Variants in ASIC2 observed in about 807,000 individuals in gnomAD.
ASIC2 encodes acid sensing ion channel subunit 2.
A neutral mutation model predicts 57.3 loss-of-function variants in ASIC2; 25 were observed. The observed-to-expected ratio is 0.44, with a 90% confidence interval of 0.32 to 0.61. The LOEUF (loss-of-function observed/expected upper bound fraction) is 0.61, where lower values mean the gene tolerates loss of function less well. Among genes scored for constraint, ASIC2 ranks in the 20% least tolerant of loss-of-function variants. ASIC2 has a pLI of 0.06. For missense variants in ASIC2, 641 were observed against 738.1 expected, an observed-to-expected ratio of 0.87 and a Z score of 1.52; for synonymous variants, 319 against 307.5, an observed-to-expected ratio of 1.04 and a Z score of -0.39.
Position 33,519,112 on chromosome 17 carries a change from G to A in ASIC2, c.556-407045C>T, listed in dbSNP as rs145479300. On this transcript the variant is annotated intron_variant, in intron 1 of 9. Coordinates refer to the ASIC2 transcript ENST00000359872. ...TGGGATTACAGGCGTGAGCCACCGC[G>A]CCGGGCCGATAACTACTCTTTTTAA... Among the ~76,000 whole-genome samples, 518 of 152,288 alleles carry A rather than the reference G, an allele frequency of 3.4e-3. 3 individuals are homozygous for A. Among genetic ancestry groups the A allele is most frequent in the African/African-American group, 0.012 (502 of 41,556 alleles).
At chr17:33,949,481 T>C (rs1904491388) in intron 1 of ASIC2, among the ~76,000 whole-genome samples, 1 of 152,264 alleles carries the variant, frequency 6.6e-6, no homozygotes, top group South Asian at 2.1e-4. Context: ...AATTTATAAG[T>C]TTTATTTTTA....
At chr17:33,132,807 A>G (rs1165420660) in intron 1 of ASIC2, among the ~76,000 whole-genome samples, 2 of 152,162 alleles carry the variant, frequency 1.3e-5, no homozygotes, top group Non-Finnish European at 2.9e-5. Context: ...CAAAATTTTA[A>G]AAATTGTTAC....
At chr17:33,173,828 T>A (rs1782656235) in intron 1 of ASIC2, among the ~76,000 whole-genome samples, 1 of 152,242 alleles carries the variant, frequency 6.6e-6, no homozygotes, top group Non-Finnish European at 1.5e-5. Context: ...CTACAGGCAC[T>A]GTGCCTAACA....
At chr17:33,249,163 C>A (rs1908796974) in intron 1 of ASIC2, among the ~76,000 whole-genome samples, 1 of 151,962 alleles carries the variant, frequency 6.6e-6, no homozygotes, top group Non-Finnish European at 1.5e-5. Context: ...AGACTGGCCA[C>A]AAGATTTTTC....
chr17:33,536,171 G>A (rs1426988802), intron 1 of ASIC2, among the ~76,000 whole-genome samples: 5 of 146,048 alleles, frequency 3.4e-5, no homozygotes, highest in Non-Finnish European at 6.2e-5. Flanking sequence ...CTTCTGAGCC[G>A]CTTCCAAAAT....
intron 1 of ASIC2, among the ~76,000 whole-genome samples, chr17:33,750,870 T>C (rs2057385209): frequency 6.6e-6 from 1 of 152,112 alleles, no homozygotes; most frequent in African/African-American, 2.4e-5. Flanking sequence ...ATCTTTCTAA[T>C]AAAACACATC....
rs1216556049 is a variant in ASIC2 at position 34,114,867 on chromosome 17, G to C, written c.555+41111C>G. Among the ~76,000 whole-genome samples the C allele has an allele frequency of 2.6e-5, 4 of 152,262 alleles. No individual in the cohort carries two copies. The East Asian group carries it at 7.7e-4, about 29-fold the overall frequency. On this transcript the variant is annotated intron_variant, in intron 1 of 9. Coordinates refer to the ASIC2 transcript ENST00000359872. Reference sequence around the variant, plus strand: ...AGGCAGGGCAATTAGTTAAGACAGTGAAGTCCAGCAGGTGCCAGGACAATT... The same window carrying C: ...AGGCAGGGCAATTAGTTAAGACAGTCAAGTCCAGCAGGTGCCAGGACAATT...
intron 1 of ASIC2, chr17:33,572,465 G>C (rs776809238): frequency 1.3e-5 from 2 of 152,206 alleles, no homozygotes; most frequent in African/African-American, 2.4e-5. Context: ...TTTGTCCTTG[G>C]AATCTAGGCC....
At chr17:33,180,582 A>G in intron 1 of ASIC2, among the ~76,000 whole-genome samples, 1 of 151,726 alleles carries the variant, frequency 6.6e-6, no homozygotes, top group East Asian at 1.9e-4. Context: ...CCACCTTTCC[A>G]CCATCCCCCA....
At chr17:33,704,282 G>T (rs1908796687) in intron 1 of ASIC2, among the ~76,000 whole-genome samples, 1 of 152,184 alleles carries the variant, frequency 6.6e-6, no homozygotes, top group African/African-American at 2.4e-5. Context: ...GGAGATTCAA[G>T]ATGCTAATGA....
intron 1 of ASIC2, among the ~76,000 whole-genome samples, chr17:33,686,154 AT>A (rs1326421651): frequency 6.6e-6 from 1 of 152,130 alleles, no homozygotes. Context: ...GCAGCAGGGA[AT>A]TCTACAATGG....
chr17:34,107,011 G>A (rs578140295), intron 1 of ASIC2, among the ~76,000 whole-genome samples: 26 of 152,006 alleles, frequency 1.7e-4, no homozygotes, highest in South Asian at 1.2e-3. Flanking sequence ...ATACATATGC[G>A]CAAACCTAGA....
chr17:33,743,257 A>T (rs1458655182), intron 1 of ASIC2, among the ~76,000 whole-genome samples: 1 of 152,258 alleles, frequency 6.6e-6, no homozygotes, highest in Non-Finnish European at 1.5e-5. Context: ...ATTCATAAAA[A>T]TCTACTATAA....
chr17:33,990,347 C>T (rs317363), intron 1 of ASIC2, among the ~76,000 whole-genome samples: 106,877 of 152,064 alleles, frequency 0.7, 38,743 homozygotes, highest in Non-Finnish European at 0.81. Flanking sequence ...AGATGCTCAA[C>T]AAATGCTAAC....
intron 1 of ASIC2, among the ~76,000 whole-genome samples, chr17:33,696,885 G>A (rs761847045): frequency 4.6e-5 from 7 of 152,290 alleles, no homozygotes; most frequent in Non-Finnish European, 1.0e-4. Flanking sequence ...ATATAATTTG[G>A]ATGTGTGTCC....
At chr17:33,878,018 C>T (rs900447313) in intron 1 of ASIC2, among the ~76,000 whole-genome samples, 6 of 152,306 alleles carry the variant, frequency 3.9e-5, no homozygotes, top group Non-Finnish European at 5.9e-5. Context: ...GGACCTCCAG[C>T]GAACTCCAAC....
At chr17:34,047,506 CAGAAAA>C (rs1164196155) in intron 1 of ASIC2, among the ~76,000 whole-genome samples, 3 of 68,328 alleles carry the variant, frequency 4.4e-5, no homozygotes, top group East Asian at 8.3e-4. Context: ...CACCTTTCTC[CAGAAAA>C]AAAAAAAAAA....
At chr17:33,498,474 C>T (rs1293979235) in intron 1 of ASIC2, among the ~76,000 whole-genome samples, 9 of 152,112 alleles carry the variant, frequency 5.9e-5, no homozygotes, top group Admixed American at 3.3e-4. Flanking sequence ...ATTCAGGAGG[C>T]GTTGAAGCCT....
chr17:33,035,435 T>C (rs1340543733), intron 3 of ASIC2, among the ~76,000 whole-genome samples: 1 of 152,244 alleles, frequency 6.6e-6, no homozygotes, highest in Non-Finnish European at 1.5e-5. Flanking sequence ...TTGGTGACTC[T>C]GGGTAGATTA....
Sources: gnomAD v4.1 joint callset for allele counts (sites outside exome capture counted in the v4.1 genomes callset) on GRCh38, gnomAD v4.1.1 for gene constraint, MANE v1.5 for transcripts, NCBI Gene and HGNC (gene_info 2026-07-23, HGNC 2026-07-21) for gene names.